Variants in ERG observed in about 807,000 individuals in gnomAD.
ERG encodes the protein ETS transcription factor ERG, also known as transcriptional regulator ERG.
In ERG, 9 loss-of-function variants were observed where a neutral mutation model predicts 55.3. The observed-to-expected ratio is 0.16, with a 90% CI of 0.10 to 0.28. The LOEUF (loss-of-function observed/expected upper bound fraction) is 0.28, where lower values mean the gene tolerates loss of function less well. Among genes scored for constraint, ERG ranks in the 10% least tolerant of loss-of-function variants. The pLI, the probability that ERG is intolerant of heterozygous loss-of-function variation, is 1.00. For synonymous variants in ERG, 223 were observed against 237.3 expected, an observed-to-expected ratio of 0.94 and a Z score of 0.55; for missense variants, 434 against 631.6, an observed-to-expected ratio of 0.69 and a Z score of 3.35.
intron 2 of ERG, among the ~76,000 whole-genome samples, chr21:38,436,349 A>G (rs190365399): frequency 1.3e-5 from 2 of 152,308 alleles, no homozygotes. Context: ...ATAGTAATAA[A>G]TGTTTCTAAA....
At chr21:38,605,897 T>G (rs2060193637) in intron 1 of ERG, among the ~76,000 whole-genome samples, 1 of 151,870 alleles carries the variant, frequency 6.6e-6, no homozygotes, top group East Asian at 1.9e-4. Flanking sequence ...AGATAATAGA[T>G]AAATAATAGA....
At position 38,473,155 on chromosome 21, in the gene ERG, C is replaced by T. The variant is rs186635273; in HGVS notation, c.18+25208G>A. Among the ~76,000 whole-genome samples the T allele has an allele frequency of 3.3e-3, 314 of 94,888 alleles. 3 individuals are homozygous for T. Among genetic ancestry groups the T allele is most frequent in the African/African-American group, 0.01 (297 of 29,252 alleles). The allele number at this position is 94,888 out of a possible 152,430, so 62.3% of individuals were successfully genotyped here. On this transcript the variant is annotated intron_variant, in intron 1 of 9. Transcript: ENST00000288319. ...ATACTTCAAAATGAAATGGAGGATGCGCTCAAAAAAAAAAAAAAAAAAAAG... is the reference window on the plus strand; with the variant it reads ...ATACTTCAAAATGAAATGGAGGATGTGCTCAAAAAAAAAAAAAAAAAAAAG...
At chr21:38,387,913 G>A (rs902547542) in intron 9 of ERG, among the ~76,000 whole-genome samples, 11 of 152,214 alleles carry the variant, frequency 7.2e-5, no homozygotes, top group Non-Finnish European at 1.3e-4. Context: ...TTTGCTTAGC[G>A]TTGGCAAGGG....
At chr21:38,659,488 T>C (rs573967995) in intron 1 of ERG, among the ~76,000 whole-genome samples, 2 of 152,350 alleles carry the variant, frequency 1.3e-5, no homozygotes, top group Admixed American at 6.5e-5. Flanking sequence ...CAGTTCTCCC[T>C]TCAGGGGCTC....
chr21:38,497,406 C>T (rs1394236804), intron 1 of ERG, among the ~76,000 whole-genome samples: 3 of 152,206 alleles, frequency 2.0e-5, no homozygotes, highest in Non-Finnish European at 4.4e-5. Context: ...TTTCTTTTCC[C>T]TCCACTCAGC....
intron 1 of ERG, chr21:38,660,616 C>A (rs2060547629): frequency 6.6e-6 from 1 of 152,124 alleles, no homozygotes; most frequent in South Asian, 2.1e-4. Flanking sequence ...GTGCCTTGGC[C>A]GTGCGCGCCG....
chr21:38,612,161 C>A (rs1403110988), intron 1 of ERG, among the ~76,000 whole-genome samples: 1 of 152,166 alleles, frequency 6.6e-6, no homozygotes, highest in Admixed American at 6.5e-5. Flanking sequence ...CTGAATGTGA[C>A]GCGTTCCAGT....
At chr21:38,408,541 C>T (rs1020160271) in intron 3 of ERG, among the ~76,000 whole-genome samples, 4 of 152,240 alleles carry the variant, frequency 2.6e-5, no homozygotes, top group African/African-American at 9.6e-5. Context: ...TCCACCTCCA[C>T]TACTTTGGCC....
intron 2 of ERG, among the ~76,000 whole-genome samples, chr21:38,570,174 G>A (rs1471178138): frequency 1.3e-5 from 2 of 152,130 alleles, no homozygotes; most frequent in Non-Finnish European, 2.9e-5. Flanking sequence ...CCAGCATGGA[G>A]GACCCACTGT....
intron 1 of ERG, among the ~76,000 whole-genome samples, chr21:38,660,825 G>A (rs1344159283): frequency 6.6e-6 from 1 of 151,788 alleles, no homozygotes; most frequent in African/African-American, 2.4e-5. Flanking sequence ...GTGCGCGTGG[G>A]TGCGAGCGCG....
intron 2 of ERG, among the ~76,000 whole-genome samples, chr21:38,429,222 T>G (rs1363318721): frequency 6.6e-6 from 1 of 151,984 alleles, no homozygotes; most frequent in African/African-American, 2.4e-5. Flanking sequence ...TTTCTTCCTT[T>G]TCATGGGTGC....
chr21:38,499,912 A>G (rs1048386536), upstream of ERG, among the ~76,000 whole-genome samples: 1 of 152,118 alleles, frequency 6.6e-6, no homozygotes, highest in African/African-American at 2.4e-5. Flanking sequence ...AAGAGAGTAT[A>G]TTGTAAGAAA....
At chr21:38,437,355 C>T (rs1049384146) in intron 2 of ERG, among the ~76,000 whole-genome samples, 4 of 152,304 alleles carry the variant, frequency 2.6e-5, no homozygotes, top group East Asian at 1.9e-4. Flanking sequence ...GCTGCAGGGG[C>T]GCTGCCCTGT....
In ERG at chr21:38,402,509, G is replaced by C. The variant is rs113975077; in HGVS notation, c.673+48C>G. ...TCCCATGAAAGCATGCAACCTGTAC[G>C]TAAGACCCTACGCTCTTGCTGGGAG... On this transcript the variant is annotated intron_variant, in intron 5 of 9. Coordinates refer to ENST00000288319, the MANE Select transcript of ERG (RefSeq NM_182918.4). 7 of 1,441,628 alleles carry C rather than the reference G, an allele frequency of 4.9e-6. No individual in the cohort carries two copies. In the South Asian group the frequency reaches 7.1e-5, roughly 15 times the overall value. The allele number at this position is 1,441,628 out of a possible 1,614,324, so 89.3% of individuals were successfully genotyped here.
At chr21:38,456,183 A>C (rs1191576728) in intron 1 of ERG, among the ~76,000 whole-genome samples, 1 of 152,248 alleles carries the variant, frequency 6.6e-6, no homozygotes, top group Non-Finnish European at 1.5e-5. Context: ...GATAAGGTAG[A>C]AATCTACCAT....
At chr21:38,573,364 A>G (rs2059972598) in intron 2 of ERG, among the ~76,000 whole-genome samples, 1 of 152,212 alleles carries the variant, frequency 6.6e-6, no homozygotes, top group African/African-American at 2.4e-5. Flanking sequence ...GAGATAGAGG[A>G]AGGCCACTGT....
At chr21:38,512,166 C>T (rs184655221) in intron 2 of ERG, among the ~76,000 whole-genome samples, 7 of 152,250 alleles carry the variant, frequency 4.6e-5, no homozygotes, top group Admixed American at 2.0e-4. Flanking sequence ...CCTGGATGAC[C>T]ACGAGTCACC....
At chr21:38,635,895 CA>C (rs1033770468) in intron 1 of ERG, among the ~76,000 whole-genome samples, 6 of 152,278 alleles carry the variant, frequency 3.9e-5, no homozygotes, top group Middle Eastern at 6.8e-3. Flanking sequence ...ACTAGTTCCA[CA>C]ATTTGGGGGA....
intron 2 of ERG, among the ~76,000 whole-genome samples, chr21:38,539,741 G>A (rs544960622): frequency 2.0e-5 from 3 of 152,020 alleles, no homozygotes; most frequent in South Asian, 2.1e-4. Context: ...GTGCATAGAC[G>A]AGGAGCGGCT....
Sources: allele counts gnomAD v4.1 joint callset (sites outside exome capture counted in the v4.1 genomes callset), GRCh38; gene constraint gnomAD v4.1.1; transcripts MANE v1.5; gene names NCBI Gene and HGNC (gene_info 2026-07-23, HGNC 2026-07-21).